ENPEP: variants seen among roughly 807,000 people sequenced by gnomAD.
ENPEP encodes glutamyl aminopeptidase, also known as AP-A.
In ENPEP, 103 loss-of-function variants were observed where a neutral mutation model predicts 114.5. That is an observed-to-expected ratio of 0.90 (90% confidence interval 0.77 to 1.06). ENPEP has a LOEUF of 1.06. ENPEP is among the 50% of genes least tolerant of loss of function. The pLI, the probability that ENPEP is intolerant of heterozygous loss-of-function variation, is 0.00. For missense variants in ENPEP, 1,196 were observed against 1,161.3 expected (o/e 1.03, Z -0.43); for synonymous variants, 420 against 422.0 (o/e 1.00, Z 0.06).
intron 5 of ENPEP, 115 bp from the exon 6 acceptor site, chr4:110,510,130 C>A: frequency 1.2e-6 from 1 of 826,124 alleles, no homozygotes. Flanking sequence ...ACAATGCCTG[C>A]CACTTCTGTC....
intron 3 of ENPEP, among the ~76,000 whole-genome samples, chr4:110,492,735 T>C (rs1163271167): frequency 6.6e-6 from 1 of 152,208 alleles, no homozygotes; most frequent in East Asian, 1.9e-4. Context: ...TAGATTGTGC[T>C]GAGTGCAGTC....
chr4:110,521,528 T>C (rs954988273), intron 10 of ENPEP, among the ~76,000 whole-genome samples: 1 of 152,054 alleles, frequency 6.6e-6, no homozygotes, highest in Non-Finnish European at 1.5e-5. Flanking sequence ...GATCACAAGA[T>C]ACATGAAAAA....
At chr4:110,499,140 G>A (rs985497248) in intron 3 of ENPEP, among the ~76,000 whole-genome samples, 1 of 152,138 alleles carries the variant, frequency 6.6e-6, no homozygotes, top group Non-Finnish European at 1.5e-5. Flanking sequence ...ACACCATAGT[G>A]TAAGTATCAA....
intron 6 of ENPEP, among the ~76,000 whole-genome samples, chr4:110,510,694 T>C (rs940289627): frequency 1.3e-5 from 2 of 151,622 alleles, no homozygotes; most frequent in African/African-American, 4.8e-5. Context: ...TTTGAAAAAA[T>C]GTCGGAGTCT....
chr4:110,534,859 A>G (rs1298551688), intron 11 of ENPEP, among the ~76,000 whole-genome samples: 1 of 151,726 alleles, frequency 6.6e-6, no homozygotes, highest in Non-Finnish European at 1.5e-5. Flanking sequence ...GACACAAACT[A>G]CACATATTTC....
chr4:110,493,307 A>C (rs1421400187), intron 3 of ENPEP, among the ~76,000 whole-genome samples: 1 of 152,222 alleles, frequency 6.6e-6, no homozygotes, highest in Non-Finnish European at 1.5e-5. Flanking sequence ...ATTATTTCTT[A>C]AATGGTTCTT....
Position 110,510,249 on chromosome 4 carries a change from T to G in ENPEP, c.1199T>G (p.Phe400Cys). 6.2e-7 allele frequency: 1 copy of G among 1,613,366 alleles called. No individual in the cohort carries two copies. The highest frequency in any genetic ancestry group is 8.5e-7 in the Non-Finnish European group (1 of 1,179,312). Reference sequence around the variant, plus strand: ...CTTTATTGCTTATAATTTCAGTGGTTTGGAAATATTGTGACCATGGACTGG... The same window carrying G: ...CTTTATTGCTTATAATTTCAGTGGTGTGGAAATATTGTGACCATGGACTGG... The part of the protein sequence containing the change: ...VVAHELVHQW[F>C]GNIVTMDWWE... Residue 400 changes from phenylalanine (F) to cysteine (C), a missense_variant, in exon 6 of 20, where the codon TTT (phenylalanine) becomes TGT (cysteine). By Grantham distance (205) the Phe-to-Cys change is radical. Coordinates refer to ENST00000265162, the MANE Select transcript of ENPEP (RefSeq NM_001977.4).
In ENPEP at chr4:110,476,846, C is replaced by A. The variant is rs752500916; in HGVS notation, c.432C>A (p.Leu144=). 4 of 1,614,106 alleles carry A rather than the reference C, an allele frequency of 2.5e-6. No individual in the cohort carries two copies. In the Admixed American group the frequency reaches 5.0e-5, roughly 20 times the overall value. The change falls in exon 1 of 20, where the codon CTC becomes CTA. Residue 144 remains leucine (L), a synonymous_variant. Coordinates refer to ENST00000265162, the MANE Select transcript of ENPEP (RefSeq NM_001977.4). ...TCCGGGAGACCAGGATCACCCGGCT[C>A]CCGGAGCTGAAGAGGCCCTCTGGGG... ...LHLRETRITR[L]PELKRPSGDQ...
intron 2 of ENPEP, 82 bp downstream of exon 2, chr4:110,488,764 A>G: frequency 1.3e-5 from 19 of 1,505,718 alleles, no homozygotes; most frequent in Non-Finnish European, 1.7e-5. Context: ...TGTGAAAGAG[A>G]ACCCATTGAA....
intron 8 of ENPEP, among the ~76,000 whole-genome samples, chr4:110,517,321 C>T (rs754302183): frequency 7.2e-5 from 11 of 152,024 alleles, no homozygotes; most frequent in Non-Finnish European, 1.3e-4. Flanking sequence ...ACACATGTTA[C>T]GTCATCCTGA....
At chr4:110,553,016 T>C (rs1248769149) in intron 17 of ENPEP, among the ~76,000 whole-genome samples, 2 of 152,136 alleles carry the variant, frequency 1.3e-5, no homozygotes, top group Non-Finnish European at 2.9e-5. Flanking sequence ...CATTTTAATT[T>C]TTAAATTAAA....
chr4:110,549,947 T>C, intron 17 of ENPEP, 61 bp downstream of exon 17: 1 of 1,389,302 alleles, frequency 7.2e-7, no homozygotes. Flanking sequence ...TGTCACAGTC[T>C]CTTTAAGAGT....
intron 11 of ENPEP, among the ~76,000 whole-genome samples, chr4:110,535,815 C>T (rs933517501): frequency 4.6e-5 from 7 of 152,048 alleles, no homozygotes; most frequent in Non-Finnish European, 1.0e-4. Context: ...AGAGAAACAC[C>T]GTCTCTACTG....
At chr4:110,519,230 G>C (rs575299041) in intron 8 of ENPEP, 1 of 399,416 alleles carries the variant, frequency 2.5e-6, no homozygotes, top group Non-Finnish European at 5.1e-6. Flanking sequence ...AGGAGGTAAC[G>C]TGATTTAGGT....
chr4:110,534,314 C>T (rs914427050), intron 11 of ENPEP, among the ~76,000 whole-genome samples: 1 of 152,032 alleles, frequency 6.6e-6, no homozygotes, highest in Non-Finnish European at 1.5e-5. Context: ...AAGAAGAGAA[C>T]CTCTATTATA....
rs140989660 is a variant in ENPEP at position 110,548,311 on chromosome 4, A to G, written c.2136A>G (p.Leu712=). The part of the protein sequence containing the change: ...IISMFEDDKE[L]YPMIEEYFQG... ...GCATGTTTGAAGATGATAAAGAGCT[A>G]TATCCTATGATTGAGGTGACGTTAA... The change falls in exon 14 of 20, where the codon CTA becomes CTG. Residue 712 remains leucine, a synonymous_variant. Transcript: ENST00000265162. 3.0e-4 allele frequency: 469 copies of G among 1,587,008 alleles called. No homozygotes were observed. The highest frequency in any genetic ancestry group is 3.8e-4 in the Non-Finnish European group (439 of 1,168,342).
rs188236443 is a variant in ENPEP at position 110,561,452 on chromosome 4, A to T, written c.2768A>T (p.Lys923Ile). Residue 923 changes from lysine to isoleucine, a missense_variant, in exon 20 of 20, where the codon AAA (lysine) becomes ATA (isoleucine). Physicochemically the swap from Lys to Ile is moderately radical, Grantham distance 102. Transcript: ENST00000265162. ...TATCCACAAGCTGGAGCAGGAGAAA[A>T]ACCTAGGGAACAAGTGCTGGAAACA... is the stretch of plus-strand genomic sequence containing the variant. ...AKYPQAGAGEKPREQVLETVK... is the reference protein window; with the variant it reads ...AKYPQAGAGEIPREQVLETVK... 550 of 1,614,044 alleles carry T rather than the reference A, an allele frequency of 3.4e-4. 1 individual carries two copies. The highest frequency in any genetic ancestry group is 4.4e-4 in the Non-Finnish European group (524 of 1,179,970).
At chr4:110,532,296 ACTAATGTATTCC>A (rs530181827) in intron 11 of ENPEP, among the ~76,000 whole-genome samples, 76 of 152,278 alleles carry the variant, frequency 5.0e-4, no homozygotes, top group Admixed American at 8.5e-4. Flanking sequence ...CTAAGCAACC[ACTAATGTATTCC>A]CTACCTCTAT....
intron 14 of ENPEP, among the ~76,000 whole-genome samples, chr4:110,548,760 A>G (rs1446923002): frequency 2.0e-5 from 3 of 152,016 alleles, no homozygotes; most frequent in Non-Finnish European, 2.9e-5. Flanking sequence ...CATTCTAAAT[A>G]CCGTTTCTTT....
Sources: allele counts gnomAD v4.1 joint callset (sites outside exome capture counted in the v4.1 genomes callset), GRCh38; gene constraint gnomAD v4.1.1; transcripts MANE v1.5; gene names NCBI Gene and HGNC (gene_info 2026-07-23, HGNC 2026-07-21).